CAMTA1: variants seen among roughly 807,000 people sequenced by gnomAD.
CAMTA1 encodes calmodulin-binding transcription activator 1.
Under a neutral mutation model 170.9 loss-of-function variants are expected in CAMTA1, and 27 were observed. The observed-to-expected ratio is 0.16, with a 90% CI of 0.12 to 0.22. CAMTA1 has a LOEUF of 0.22. CAMTA1 is among the 10% of genes least tolerant of loss of function. CAMTA1 has a pLI of 1.00. For synonymous variants in CAMTA1, 833 were observed against 891.5 expected (o/e 0.93, Z 1.17); for missense variants, 1,619 against 2,217.2 (o/e 0.73, Z 5.42).
chr1:6,888,829 T>C (rs542188568), intron 3 of CAMTA1, among the ~76,000 whole-genome samples: 9 of 152,252 alleles, frequency 5.9e-5, no homozygotes, highest in African/African-American at 1.7e-4. Flanking sequence ...TTCTTTCTTT[T>C]TTTTTTTTAA....
rs1016382434 is a variant in CAMTA1, at chr1:7,423,469, CAAAAAAAAA to C, written c.439-44348_439-44340del. Among the ~76,000 whole-genome samples, 3 of 47,900 alleles carry C rather than the reference CAAAAAAAAA, an allele frequency of 6.3e-5. No homozygotes were observed. In the East Asian group the frequency reaches 1.9e-3, roughly 30 times the overall value. 31.4% of individuals were successfully genotyped at this position (47,900 alleles called of 152,430 possible). Reference sequence around the variant, plus strand: ...GGGTGACAAGAGCAAAACTCCATCTCAAAAAAAAAAAAAAAAAAAAAGAACCAGCACACA... The same window carrying C: ...GGGTGACAAGAGCAAAACTCCATCTCAAAAAAAAAAAAGAACCAGCACACA... On this transcript the variant is annotated intron_variant, in intron 5 of 22. Transcript: ENST00000303635.
At chr1:7,177,549 C>G (rs573756735) in intron 4 of CAMTA1, among the ~76,000 whole-genome samples, 1 of 149,220 alleles carries the variant, frequency 6.7e-6, no homozygotes, top group East Asian at 2.0e-4. Flanking sequence ...TGAGACCCCT[C>G]CCACATACTG....
rs75426295 is a variant in CAMTA1, at chr1:7,343,642, G to A, written c.438+94016G>A. Among the ~76,000 whole-genome samples, 475 of 152,136 alleles carry A rather than the reference G, an allele frequency of 3.1e-3. 1 individual carries two copies. The highest frequency in any genetic ancestry group is 0.011 in the African/African-American group (458 of 41,500). ...CACGGGCTCTTCTCTGTCCCTCCCCGACCTTCCCACCTCCCAAAGGTCATC... is the reference window on the plus strand; with the variant it reads ...CACGGGCTCTTCTCTGTCCCTCCCCAACCTTCCCACCTCCCAAAGGTCATC... On this transcript the variant is annotated intron_variant, in intron 5 of 22. Coordinates refer to ENST00000303635, the MANE Select transcript of CAMTA1 (RefSeq NM_015215.4).
intron 11 of CAMTA1, among the ~76,000 whole-genome samples, chr1:7,725,962 A>G (rs974056110): frequency 6.6e-6 from 1 of 152,100 alleles, no homozygotes; most frequent in Non-Finnish European, 1.5e-5. Flanking sequence ...TGGGTCACAC[A>G]CAGACTCACA....
At chr1:6,825,858 A>G (rs1428774914) in intron 3 of CAMTA1, among the ~76,000 whole-genome samples, 1 of 152,140 alleles carries the variant, frequency 6.6e-6, no homozygotes, top group South Asian at 2.1e-4. Flanking sequence ...TTGCTTTGTC[A>G]TCTTTTTTAT....
rs966362353 is a variant in CAMTA1, at chr1:7,685,448, C to T, written c.2914+7715C>T. ...CCACAGCACATCCCTGTGGACCCCA[C>T]GGCCTGATTGTCTTCATTCCACTTG... On this transcript the variant is annotated intron_variant, in intron 11 of 22. Transcript: ENST00000303635. The surrounding 1 kb of genome is among the most constrained non-coding windows in gnomAD (Gnocchi z 5.7). Among the ~76,000 whole-genome samples the T allele has an allele frequency of 2.0e-5, 3 of 152,164 alleles. No individual in the cohort carries two copies. Among genetic ancestry groups the T allele is most frequent in the Non-Finnish European group, 2.9e-5 (2 of 68,028 alleles).
In CAMTA1 at chr1:7,609,152, C is replaced by T. The variant is rs1180519452; in HGVS notation, c.511-31248C>T. 6.6e-6 allele frequency among the ~76,000 whole-genome samples: 1 copy of T among 152,134 alleles called. No individual in the cohort carries two copies. Among genetic ancestry groups the T allele is most frequent in the Non-Finnish European group, 1.5e-5 (1 of 68,028 alleles). ...CTTCCCACTACCGGCCTAGCCCTGC[C>T]GCCTGTGCCTTGCCTCCTGGCCTCC... On this transcript the variant is annotated intron_variant, in intron 6 of 22. Transcript: ENST00000303635. This position sits in a 1 kb window ranked among gnomAD's most constrained non-coding sequence, Gnocchi z 4.4.
chr1:7,344,202 C>T (rs1168180309), intron 5 of CAMTA1, among the ~76,000 whole-genome samples: 3 of 152,242 alleles, frequency 2.0e-5, no homozygotes, highest in African/African-American at 7.2e-5. Flanking sequence ...CTGAAGGGGC[C>T]TGGGCCTCTT....
chr1:7,284,132 C>T (rs1011456249), intron 5 of CAMTA1, among the ~76,000 whole-genome samples: 668 of 56,394 alleles, frequency 0.012, 8 homozygotes, highest in Admixed American at 0.063. Flanking sequence ...TGCTGTTCTT[C>T]TTCTTCTTCT....
In CAMTA1 at chr1:7,333,086, C is replaced by G. The variant is rs1355447764; in HGVS notation, c.438+83460C>G. On this transcript the variant is annotated intron_variant, in intron 5 of 22. Transcript: ENST00000303635. The surrounding 1 kb of genome is among the most constrained non-coding windows in gnomAD (Gnocchi z 4.4). ...TCAGCCATTTATTGCTGCACCCACT[C>G]CAGCGGGCATGAGCAACAGAATCCT... Among the ~76,000 whole-genome samples the G allele has an allele frequency of 2.6e-5, 4 of 152,186 alleles. No individual in the cohort carries two copies.
chr1:6,967,954 G>A (rs768265431), intron 3 of CAMTA1, among the ~76,000 whole-genome samples: 1 of 152,154 alleles, frequency 6.6e-6, no homozygotes, highest in Non-Finnish European at 1.5e-5. Context: ...TTTCTCAGTT[G>A]GCATTATATC....
rs79796613 is a variant in CAMTA1 at position 7,610,588 on chromosome 1, G to C, written c.511-29812G>C. Among the ~76,000 whole-genome samples the C allele has an allele frequency of 4.4e-3, 674 of 152,272 alleles. 6 individuals carry two copies. The highest frequency in any genetic ancestry group is 0.016 in the African/African-American group (655 of 41,538). The stretch of plus-strand genomic sequence containing the variant: ...AAAAGTGACTGGGGGCAGACTCCGT[G>C]GCCCCTCCTATAGGCCTGTCAGCAA... On this transcript the variant is annotated intron_variant, in intron 6 of 22. Transcript: ENST00000303635.
rs78738967 is a variant in CAMTA1, at chr1:7,275,854, T to C, written c.438+26228T>C. On this transcript the variant is annotated intron_variant, in intron 5 of 22. Coordinates refer to ENST00000303635, the MANE Select transcript of CAMTA1 (RefSeq NM_015215.4). ...AATAATGTTAGGCTTACCAAACATT[T>C]TCAGAAAATATAGGATGATAGAACA... is the stretch of plus-strand genomic sequence containing the variant. Among the ~76,000 whole-genome samples the C allele has an allele frequency of 3.7e-3, 565 of 152,246 alleles. 3 individuals are homozygous for C. Among genetic ancestry groups the C allele is most frequent in the South Asian group, 0.017 (81 of 4,818 alleles).
intron 6 of CAMTA1, among the ~76,000 whole-genome samples, chr1:7,622,935 G>A (rs910783161): frequency 6.6e-5 from 10 of 152,156 alleles, no homozygotes; most frequent in African/African-American, 7.2e-5. Context: ...CTGTGAGCCC[G>A]AGTCTGTCCT....
At chr1:7,750,955 A>C (rs745997060) in intron 19 of CAMTA1, 18 of 649,060 alleles carry the variant, frequency 2.8e-5, no homozygotes, top group South Asian at 2.6e-4. Flanking sequence ...GAAGGGCAAG[A>C]TATTTTGATA....
chr1:7,489,092 C>T (rs921163188), intron 6 of CAMTA1, among the ~76,000 whole-genome samples: 2 of 152,356 alleles, frequency 1.3e-5, no homozygotes, highest in Middle Eastern at 3.4e-3. Flanking sequence ...TCGGCAACAG[C>T]TACCACACTC....
At position 7,681,279 on chromosome 1, in the gene CAMTA1, G is replaced by C. The variant is rs971891350; in HGVS notation, c.2914+3546G>C. 2.6e-5 allele frequency among the ~76,000 whole-genome samples: 4 copies of C among 152,218 alleles called. No homozygotes were observed. Among genetic ancestry groups the C allele is most frequent in the African/African-American group, 9.6e-5 (4 of 41,454 alleles). ...TATGAATGCAGGCACACGTGAATGA[G>C]TGCAGGAGGGACTGTCAAAAAGCTG... On this transcript the variant is annotated intron_variant, in intron 11 of 22. Transcript: ENST00000303635. This position sits in a 1 kb window ranked among gnomAD's most constrained non-coding sequence, Gnocchi z 4.6.
intron 3 of CAMTA1, among the ~76,000 whole-genome samples, chr1:6,990,337 AGAGTT>A (rs1696147585): frequency 6.6e-6 from 1 of 152,212 alleles, no homozygotes; most frequent in Non-Finnish European, 1.5e-5. Flanking sequence ...AACGTAAAGA[AGAGTT>A]GAATTAGATA....
At chr1:6,906,991 G>A (rs1047062787) in intron 3 of CAMTA1, among the ~76,000 whole-genome samples, 1 of 152,174 alleles carries the variant, frequency 6.6e-6, no homozygotes, top group Non-Finnish European at 1.5e-5. Context: ...CCAGCCCTGT[G>A]ACATGGCCTT....
Sources: allele counts gnomAD v4.1 joint callset (sites outside exome capture counted in the v4.1 genomes callset), GRCh38; gene constraint gnomAD v4.1.1; non-coding constraint Gnocchi (gnomAD v3.1); transcripts MANE v1.5; gene names NCBI Gene and HGNC (gene_info 2026-07-23, HGNC 2026-07-21).